The following SCGB2B2 variants were observed in gnomAD, a reference collection of about 807,000 sequenced individuals.
The protein encoded by SCGB2B2 is secretoglobin-like protein.
A neutral mutation model predicts 7.6 loss-of-function variants in SCGB2B2; 11 were observed. The ratio of observed to expected loss-of-function variants is 1.45; its 90% confidence interval spans 0.91 to 2.40. The LOEUF (loss-of-function observed/expected upper bound fraction) is 2.40, where lower values mean the gene tolerates loss of function less well. Among genes scored for constraint, SCGB2B2 ranks in the 30% most tolerant of loss-of-function variants. The probability of loss-of-function intolerance (pLI) is 0.00; values close to 1 mark genes in which losing one functional copy is unlikely to be tolerated. For missense variants in SCGB2B2, 104 were observed against 115.4 expected (o/e 0.90, Z 0.45); for synonymous variants, 50 against 48.6 (o/e 1.03, Z -0.12).
rs1007214997 is a variant in SCGB2B2, at chr19:34,592,329, T to C, written c.*1226A>G. Among the ~76,000 whole-genome samples the C allele has an allele frequency of 1.3e-5, 2 of 151,798 alleles. No homozygotes were observed. Among genetic ancestry groups the C allele is most frequent in the African/African-American group, 4.8e-5 (2 of 41,294 alleles). On this transcript the variant is annotated 3_prime_UTR_variant, in exon 4 of 4. Transcript: ENST00000601241. The stretch of plus-strand genomic sequence containing the variant: ...AGGTGGGTCTGCACTTGTAGGGAAA[T>C]GAGCTCTCAAAGATCCAGGGAGAAA...
At position 34,594,982 on chromosome 19, in the gene SCGB2B2, A is replaced by G. The variant is rs1564201; in HGVS notation, c.-419T>C. On this transcript the variant is annotated 5_prime_UTR_variant, in exon 2 of 4. Coordinates refer to ENST00000601241, the MANE Select transcript of SCGB2B2 (RefSeq NM_001025591.4). ...GAATCTGCCACTGAGTGCTGGCTCAACAAACATTTGCTAAGTGAGTATGTC... is the reference window on the plus strand; with the variant it reads ...GAATCTGCCACTGAGTGCTGGCTCAGCAAACATTTGCTAAGTGAGTATGTC... 0.31 allele frequency: 61,588 copies of G among 197,840 alleles called. 11,831 individuals carry two copies. Among genetic ancestry groups the G allele is most frequent in the East Asian group, 0.47 (3,840 of 8,256 alleles). 12.3% of individuals were successfully genotyped at this position (197,840 alleles called of 1,614,324 possible).
rs1296403517 is a variant in SCGB2B2 at position 34,593,058 on chromosome 19, C to T, written c.*497G>A. On this transcript the variant is annotated 3_prime_UTR_variant, in exon 4 of 4. Transcript: ENST00000601241. ...GGCATATCGACTGGACACAGTGGCT[C>T]ATGCCTCTAACCCTAGCACGTTGGA... 6.6e-6 allele frequency among the ~76,000 whole-genome samples: 1 copy of T among 152,160 alleles called. No individual in the cohort carries two copies. Among genetic ancestry groups the T allele is most frequent in the Non-Finnish European group, 1.5e-5 (1 of 68,028 alleles).
chr19:34,594,188 T>C lies in SCGB2B2; in HGVS notation c.233A>G (p.His78Arg). The C allele has an allele frequency of 6.2e-7, 1 of 1,614,012 alleles. No homozygotes were observed. The highest frequency in any genetic ancestry group is 8.5e-7 in the Non-Finnish European group (1 of 1,179,912). ...GGGCACACTCACAATAACAACTGAA[T>C]GAGCAAATCTTTCTGTCACGGAGAC... is the stretch of plus-strand genomic sequence containing the variant. Reference protein sequence around the residue: ...ANVSVTERFAHSVVIKKILQS... With the variant: ...ANVSVTERFARSVVIKKILQS... Residue 78 changes from histidine (H) to arginine (R), a missense_variant, in exon 3 of 4, where the codon CAT (histidine) becomes CGT (arginine). His to Arg is a conservative substitution (Grantham distance 29, BLOSUM62 0). Transcript: ENST00000601241.
intron 1 of SCGB2B2, among the ~76,000 whole-genome samples, chr19:34,667,432 G>A (rs1020475999): frequency 5.9e-5 from 9 of 152,018 alleles, no homozygotes; most frequent in African/African-American, 4.8e-5. Context: ...ACCTGGGCCC[G>A]GGGCCCCACC....
intron 1 of SCGB2B2, among the ~76,000 whole-genome samples, chr19:34,604,380 C>T (rs902277649): frequency 2.0e-5 from 3 of 152,106 alleles, no homozygotes; most frequent in South Asian, 2.1e-4. Flanking sequence ...TAGGGTGAGC[C>T]CCTGAATGAA....
rs868300729 is a variant in SCGB2B2 at position 34,658,817 on chromosome 19, A to C, written c.-2032+16813T>G. Among the ~76,000 whole-genome samples, 103 of 129,302 alleles carry C rather than the reference A, an allele frequency of 8.0e-4. 1 individual carries two copies. The East Asian group carries it at 8.6e-3, about 11-fold the overall frequency. 84.8% of individuals were successfully genotyped at this position (129,302 alleles called of 152,430 possible). ...CAACAACAACAACAACAACAACAAA[A>C]AAAAAAAAAAAAAAAAAAGAGAGAG... On this transcript the variant is annotated intron_variant, in intron 1 of 3. Coordinates refer to ENST00000601241, the MANE Select transcript of SCGB2B2 (RefSeq NM_001025591.4).
chr19:34,653,648 A>G (rs1291839009), intron 1 of SCGB2B2, among the ~76,000 whole-genome samples: 1 of 151,262 alleles, frequency 6.6e-6, no homozygotes, highest in Non-Finnish European at 1.5e-5. Flanking sequence ...TCCCTGAAAT[A>G]AAAGAATAGT....
intron 1 of SCGB2B2, among the ~76,000 whole-genome samples, chr19:34,666,936 G>C (rs763711721): frequency 6.6e-5 from 10 of 152,076 alleles, no homozygotes; most frequent in Non-Finnish European, 8.8e-5. Context: ...TTCTGACCGA[G>C]GACAAGGACA....
intron 1 of SCGB2B2, among the ~76,000 whole-genome samples, chr19:34,662,436 A>G (rs2067484597): frequency 6.6e-6 from 1 of 152,142 alleles, no homozygotes; most frequent in Admixed American, 6.5e-5. Context: ...ATGACATGAG[A>G]ATCTTTTTTC....
intron 1 of SCGB2B2, among the ~76,000 whole-genome samples, chr19:34,667,040 C>T (rs1183196930): frequency 1.3e-5 from 2 of 152,126 alleles, no homozygotes; most frequent in Admixed American, 1.3e-4. Context: ...ACCACGACCC[C>T]CGAGGAGGGA....
intron 1 of SCGB2B2, chr19:34,645,449 G>A (rs561500675): frequency 6.3e-6 from 1 of 159,612 alleles, no homozygotes; most frequent in South Asian, 1.8e-4. Context: ...CAACAGCATA[G>A]CCAAGGGCCC....
chr19:34,628,474 A>G (rs2066439012), intron 1 of SCGB2B2, among the ~76,000 whole-genome samples: 1 of 152,022 alleles, frequency 6.6e-6, no homozygotes, highest in Non-Finnish European at 1.5e-5. Context: ...CTACCATCAG[A>G]GAATACTATA....
chr19:34,657,309 T>C (rs763558566), intron 1 of SCGB2B2, among the ~76,000 whole-genome samples: 1 of 151,026 alleles, frequency 6.6e-6, no homozygotes, highest in Non-Finnish European at 1.5e-5. Context: ...GACTGGCAAA[T>C]TGGATAAAGA....
intron 1 of SCGB2B2, among the ~76,000 whole-genome samples, chr19:34,614,661 C>A (rs1314111315): frequency 2.0e-5 from 3 of 152,138 alleles, no homozygotes; most frequent in African/African-American, 7.2e-5. Flanking sequence ...TTGGTAATGT[C>A]ATATTTCCTT....
chr19:34,648,393 G>A (rs941880860), intron 1 of SCGB2B2, among the ~76,000 whole-genome samples: 1 of 152,204 alleles, frequency 6.6e-6, no homozygotes, highest in African/African-American at 2.4e-5. Flanking sequence ...AAAATGTCCT[G>A]AGAAATTTTG....
intron 1 of SCGB2B2, 75 bp downstream of exon 1, chr19:34,675,555 G>GCC (rs1231049605): frequency 6.6e-6 from 1 of 152,220 alleles, no homozygotes; most frequent in African/African-American, 2.4e-5. Flanking sequence ...GGTCATAAAG[G>GCC]CCTTGCTGGT....
At chr19:34,611,653 A>AT (rs34569420) in intron 1 of SCGB2B2, among the ~76,000 whole-genome samples, 1 of 136,852 alleles carries the variant, frequency 7.3e-6, no homozygotes, top group African/African-American at 2.6e-5. Flanking sequence ...AAAATTTACT[A>AT]TTTTTTTTTT....
chr19:34,669,080 G>A (rs1377272768), intron 1 of SCGB2B2, among the ~76,000 whole-genome samples: 1 of 152,116 alleles, frequency 6.6e-6, no homozygotes, highest in East Asian at 1.9e-4. Flanking sequence ...AAAGTCTGCA[G>A]CTTCACTCCT....
intron 1 of SCGB2B2, among the ~76,000 whole-genome samples, chr19:34,642,766 T>C (rs1269340240): frequency 1.5e-5 from 2 of 132,762 alleles, no homozygotes; most frequent in African/African-American, 5.6e-5. Flanking sequence ...AACCAACATC[T>C]CTCTAAAGAT....
Sources: allele counts gnomAD v4.1 joint callset (sites outside exome capture counted in the v4.1 genomes callset), GRCh38; gene constraint gnomAD v4.1.1; transcripts MANE v1.5; gene names NCBI Gene and HGNC (gene_info 2026-07-23, HGNC 2026-07-21).